FMN2: variants seen among roughly 807,000 people sequenced by gnomAD.
The protein encoded by FMN2 is formin-2.
FMN2 carries 51 observed loss-of-function variants against 142.3 expected under a neutral mutation model. The observed-to-expected ratio is 0.36, with a 90% CI of 0.29 to 0.45. The LOEUF (loss-of-function observed/expected upper bound fraction) is 0.45, where lower values mean the gene tolerates loss of function less well. Among genes scored for constraint, FMN2 ranks in the 20% least tolerant of loss-of-function variants. FMN2 has a pLI of 1.00. For synonymous variants in FMN2, 882 were observed against 869.8 expected (o/e 1.01, Z -0.25); for missense variants, 1,936 against 2,122.8 (o/e 0.91, Z 1.73).
At position 240,418,697 on chromosome 1, in the gene FMN2, A is replaced by C. The variant is rs12755778; in HGVS notation, c.4911-19364A>C. 2.1e-3 allele frequency among the ~76,000 whole-genome samples: 320 copies of C among 152,286 alleles called. 1 individual carries two copies. Among genetic ancestry groups the C allele is most frequent in the African/African-American group, 6.9e-3 (288 of 41,526 alleles). On this transcript the variant is annotated intron_variant, in intron 15 of 17. Transcript: ENST00000319653. ...AGATGGCCAACGTGTATAAGTATAC[A>C]CAGTGTTCCAGTGTTGGATGTAGTG... is the stretch of plus-strand genomic sequence containing the variant.
intron 6 of FMN2, among the ~76,000 whole-genome samples, chr1:240,249,803 A>G (rs1230089788): frequency 1.3e-5 from 2 of 152,002 alleles, no homozygotes; most frequent in African/African-American, 4.8e-5. Context: ...TTTCTTACAG[A>G]GGTCTTCTGT....
chr1:240,187,331 C>T (rs1572987), intron 3 of FMN2, among the ~76,000 whole-genome samples: 7,403 of 150,160 alleles, frequency 0.049, 266 homozygotes, highest in Middle Eastern at 0.086. Flanking sequence ...GACTGCTGTA[C>T]CTTGTGTCCA....
rs148035478 is a variant in FMN2 at position 240,414,409 on chromosome 1, C to T, written c.4910+21847C>T. On this transcript the variant is annotated intron_variant, in intron 15 of 17. Transcript: ENST00000319653. ...ATTGTGGAGTGCGGTAGCACAGAGC[C>T]GAGAATGGAATTCAGGCCTTCGTGA... Among the ~76,000 whole-genome samples, 431 of 152,294 alleles carry T rather than the reference C, an allele frequency of 2.8e-3. 3 individuals are homozygous for T. Among genetic ancestry groups the T allele is most frequent in the African/African-American group, 9.8e-3 (406 of 41,552 alleles).
intron 8 of FMN2, among the ~76,000 whole-genome samples, chr1:240,305,321 C>A (rs1223462379): frequency 6.6e-6 from 1 of 152,134 alleles, no homozygotes; most frequent in Non-Finnish European, 1.5e-5. Context: ...CTCTGTAATA[C>A]AAGATATATT....
intron 2 of FMN2, among the ~76,000 whole-genome samples, chr1:240,157,256 G>A (rs1664063250): frequency 1.3e-5 from 2 of 152,104 alleles, no homozygotes; most frequent in South Asian, 4.1e-4. Flanking sequence ...AGTTTATCTG[G>A]TATAAAGTAG....
At chr1:240,146,981 G>A (rs1406658904) in intron 2 of FMN2, among the ~76,000 whole-genome samples, 1 of 152,170 alleles carries the variant, frequency 6.6e-6, no homozygotes, top group African/African-American at 2.4e-5. Flanking sequence ...GGAAGACGGG[G>A]CAATTAGACC....
rs1440159453 is a variant in FMN2, at chr1:240,453,913, C to T, written c.5060+15703C>T. On this transcript the variant is annotated intron_variant, in intron 16 of 17. Transcript: ENST00000319653. ...CTGAGGCAGGAGAATGGCGTGAACC[C>T]GGGAAGCGGAGCTTGCAGTGAGCCG... 1.3e-4 allele frequency among the ~76,000 whole-genome samples: 3 copies of T among 22,876 alleles called. 1 individual carries two copies. The highest frequency in any genetic ancestry group is 9.7e-4 in the East Asian group (1 of 1,034). 15.0% of individuals were successfully genotyped at this position (22,876 alleles called of 152,430 possible).
At chr1:240,241,860 G>A (rs769533493) in intron 6 of FMN2, among the ~76,000 whole-genome samples, 13 of 122,062 alleles carry the variant, frequency 1.1e-4, no homozygotes, top group Non-Finnish European at 1.7e-4. Flanking sequence ...TTTTTGAGAC[G>A]GAGTCTCGCT....
intron 6 of FMN2, among the ~76,000 whole-genome samples, chr1:240,215,415 G>A (rs1165205128): frequency 6.6e-6 from 1 of 152,162 alleles, no homozygotes; most frequent in African/African-American, 2.4e-5. Flanking sequence ...GGAATTCAAT[G>A]TTTCCAAGCT....
intron 16 of FMN2, among the ~76,000 whole-genome samples, chr1:240,466,822 CCTT>C (rs1255278974): frequency 6.6e-6 from 1 of 152,178 alleles, no homozygotes; most frequent in East Asian, 1.9e-4. Context: ...GCTTCCCTAA[CCTT>C]CTCTAGGTGC....
At chr1:240,302,293 A>G (rs1670227562) in intron 8 of FMN2, among the ~76,000 whole-genome samples, 1 of 152,044 alleles carries the variant, frequency 6.6e-6, no homozygotes, top group Middle Eastern at 3.2e-3. Context: ...ACCTACACAC[A>G]TTTAAAAGAT....
intron 6 of FMN2, among the ~76,000 whole-genome samples, chr1:240,253,286 T>A (rs570537799): frequency 5.7e-5 from 1 of 17,618 alleles, no homozygotes; most frequent in Non-Finnish European, 1.0e-4. Flanking sequence ...TCATTTTTAT[T>A]CTTTATTCTT....
In FMN2 at chr1:240,260,425, AT is replaced by A. The variant is rs540204502; in HGVS notation, c.4153+2402del. Among the ~76,000 whole-genome samples, 993 of 150,200 alleles carry A rather than the reference AT, an allele frequency of 6.6e-3. 6 individuals are homozygous for A. The highest frequency in any genetic ancestry group is 1.0e-2 in the Admixed American group (150 of 15,028). On this transcript the variant is annotated intron_variant, in intron 7 of 17. Coordinates refer to ENST00000319653, the MANE Select transcript of FMN2 (RefSeq NM_020066.5). ...CCATGCCAACATCTATTATTTTTTT[AT>A]TTTTTTTTAATGTGGCCATTCTTGC...
chr1:240,288,015 A>G (rs115145827), intron 7 of FMN2, among the ~76,000 whole-genome samples: 1 of 152,318 alleles, frequency 6.6e-6, no homozygotes, highest in Non-Finnish European at 1.5e-5. Flanking sequence ...TTATTTATGA[A>G]AGGACAATCA....
intron 15 of FMN2, among the ~76,000 whole-genome samples, chr1:240,431,586 G>T (rs1247564741): frequency 6.6e-6 from 1 of 151,348 alleles, no homozygotes; most frequent in African/African-American, 2.4e-5. Flanking sequence ...CATTGCGTAT[G>T]TTAACTGTAG....
intron 1 of FMN2, among the ~76,000 whole-genome samples, chr1:240,117,635 C>T (rs777461666): frequency 6.6e-6 from 1 of 152,210 alleles, no homozygotes; most frequent in Non-Finnish European, 1.5e-5. Flanking sequence ...TCAAGGTCAG[C>T]ATGCTGGATG....
intron 6 of FMN2, chr1:240,236,027 T>G (rs1667698630): frequency 6.6e-6 from 1 of 152,254 alleles, no homozygotes; most frequent in South Asian, 2.1e-4. Context: ...AGAGTGTTTT[T>G]GGTGTGGAAT....
intron 6 of FMN2, among the ~76,000 whole-genome samples, chr1:240,254,707 G>C (rs576348677): frequency 1.3e-5 from 2 of 152,184 alleles, no homozygotes; most frequent in Admixed American, 1.3e-4. Context: ...GGCTGCAAGA[G>C]GGGTGCCCCA....
intron 4 of FMN2, among the ~76,000 whole-genome samples, chr1:240,192,586 G>T: frequency 6.6e-6 from 1 of 152,288 alleles, no homozygotes; most frequent in Admixed American, 6.5e-5. Flanking sequence ...TCTTAAAGGA[G>T]ATAGAGAGAG....
Sources: allele counts gnomAD v4.1 joint callset (sites outside exome capture counted in the v4.1 genomes callset), GRCh38; gene constraint gnomAD v4.1.1; transcripts MANE v1.5; gene names NCBI Gene and HGNC (gene_info 2026-07-23, HGNC 2026-07-21).